Variants in GAS7 observed in about 807,000 individuals in gnomAD.
GAS7 encodes growth arrest specific 7.
Under a neutral mutation model 71.1 loss-of-function variants are expected in GAS7, and 28 were observed. That is an observed-to-expected ratio of 0.39 (90% confidence interval 0.29 to 0.54). GAS7 has a LOEUF of 0.54. GAS7 is among the 20% of genes least tolerant of loss of function. The probability of loss-of-function intolerance (pLI) is 0.62; values close to 1 mark genes in which losing one functional copy is unlikely to be tolerated. For synonymous variants in GAS7, 258 were observed against 245.8 expected, an observed-to-expected ratio of 1.05 and a Z score of -0.46; for missense variants, 436 against 627.8, an observed-to-expected ratio of 0.69 and a Z score of 3.27.
rs371905635 is a variant in GAS7, at chr17:10,020,013, C to T, written c.184-116G>A. 1.1e-3 allele frequency: 1,165 copies of T among 1,024,822 alleles called. 3 individuals are homozygous for T. The highest frequency in any genetic ancestry group is 1.6e-3 in the Non-Finnish European group (1,086 of 687,038). 63.5% of individuals were successfully genotyped at this position (1,024,822 alleles called of 1,614,324 possible). A position where few individuals can be genotyped will look rare whatever the true frequency, so the allele number is the denominator to read the frequency against. ...CAGTAGCGTGACATTGGGAAGTCTGCGGCCCATAAACCCCTGAGGTCAGAG... is the reference window on the plus strand; with the variant it reads ...CAGTAGCGTGACATTGGGAAGTCTGTGGCCCATAAACCCCTGAGGTCAGAG... On this transcript the variant is annotated intron_variant, in intron 1 of 13. Coordinates refer to ENST00000432992, the MANE Select transcript of GAS7 (RefSeq NM_201433.2).
At chr17:10,126,263 C>G (rs1597806703) in intron 1 of GAS7, among the ~76,000 whole-genome samples, 1 of 152,192 alleles carries the variant, frequency 6.6e-6, no homozygotes, top group African/African-American at 2.4e-5. Context: ...GGGAAGAAAC[C>G]CTTAATGAAT....
chr17:9,998,069 C>T (rs1289358320), intron 2 of GAS7, among the ~76,000 whole-genome samples: 3 of 152,118 alleles, frequency 2.0e-5, no homozygotes, highest in Admixed American at 6.6e-5. Context: ...CTTTCCTCTC[C>T]CCAGAGGTTT....
Position 10,111,678 on chromosome 17 carries a change from G to A in GAS7, c.183+86530C>T, listed in dbSNP as rs115277150. Among the ~76,000 whole-genome samples the A allele has an allele frequency of 7.7e-3, 1,175 of 152,230 alleles. 13 individuals are homozygous for A. Among genetic ancestry groups the A allele is most frequent in the African/African-American group, 0.026 (1,066 of 41,532 alleles). On this transcript the variant is annotated intron_variant, in intron 1 of 13. Transcript: ENST00000432992. ...CAGCCTGGAGACAGGGCAAGACTCCGTCTCTAAATAAATAAATAAGTCTTT... is the reference window on the plus strand; with the variant it reads ...CAGCCTGGAGACAGGGCAAGACTCCATCTCTAAATAAATAAATAAGTCTTT...
rs5819261 is a variant in GAS7, at chr17:10,045,040, CAAA to C, written c.184-25146_184-25144del. 7.8e-3 allele frequency among the ~76,000 whole-genome samples: 645 copies of C among 82,184 alleles called. 3 individuals are homozygous for C. The highest frequency in any genetic ancestry group is 0.026 in the African/African-American group (616 of 23,506). 53.9% of individuals were successfully genotyped at this position (82,184 alleles called of 152,430 possible). ...CGGGCGACAGAGCGAGACTCCATCT[CAAA>C]AAAAAAAAAAAAAAAAAGTGTCCAA... On this transcript the variant is annotated intron_variant, in intron 1 of 13. Transcript: ENST00000432992.
chr17:10,100,806 C>T (rs115518897), intron 1 of GAS7, among the ~76,000 whole-genome samples: 3,116 of 152,080 alleles, frequency 0.02, 109 homozygotes, highest in African/African-American at 0.071. Flanking sequence ...TTCATAATTC[C>T]AAAGCGGGAT....
At chr17:10,056,771 G>A (rs1038414995) in intron 1 of GAS7, among the ~76,000 whole-genome samples, 19 of 151,266 alleles carry the variant, frequency 1.3e-4, no homozygotes, top group South Asian at 2.1e-4. Flanking sequence ...CCCTCCCCAC[G>A]ATCTCCCTCT....
intron 1 of GAS7, among the ~76,000 whole-genome samples, chr17:10,125,649 G>A (rs1457928476): frequency 6.6e-6 from 1 of 152,022 alleles, no homozygotes; most frequent in East Asian, 1.9e-4. Flanking sequence ...GGGTGATGGG[G>A]AGATGAGGAG....
At chr17:10,136,848 G>T (rs940417628) in intron 1 of GAS7, among the ~76,000 whole-genome samples, 1 of 152,124 alleles carries the variant, frequency 6.6e-6, no homozygotes, top group Non-Finnish European at 1.5e-5. Context: ...GCCAGGCATC[G>T]TGGCTCACGC....
intron 1 of GAS7, among the ~76,000 whole-genome samples, chr17:10,057,134 C>T (rs1252334900): frequency 6.6e-6 from 1 of 152,212 alleles, no homozygotes; most frequent in Non-Finnish European, 1.5e-5. Flanking sequence ...GGCGTGATCT[C>T]GGCTTGCTAC....
chr17:10,080,648 A>T (rs182756242), intron 1 of GAS7, among the ~76,000 whole-genome samples: 2 of 152,244 alleles, frequency 1.3e-5, no homozygotes, highest in Non-Finnish European at 2.9e-5. Context: ...GTTTCTAGAT[A>T]GGAAGCCCAA....
Position 9,969,781 on chromosome 17 carries a change from G to C in GAS7, c.386-19C>G, listed in dbSNP as rs1316826794. Reference sequence around the variant, plus strand: ...CCATTCACTGCAGGGACAGAGACACGGCTCAGATGCTGTGTGGGCCACAGA... The same window carrying C: ...CCATTCACTGCAGGGACAGAGACACCGCTCAGATGCTGTGTGGGCCACAGA... On this transcript the variant is annotated intron_variant, in intron 3 of 13. Transcript: ENST00000432992. The surrounding 1 kb of genome is among the most constrained non-coding windows in gnomAD (Gnocchi z 5.5). The C allele has an allele frequency of 2.6e-6, 4 of 1,527,846 alleles. No homozygotes were observed. Among genetic ancestry groups the C allele is most frequent in the Non-Finnish European group, 3.6e-6 (4 of 1,101,478 alleles). The allele number at this position is 1,527,846 out of a possible 1,614,324, so 94.6% of individuals were successfully genotyped here.
At chr17:9,995,118 C>T (rs1450840165) in intron 2 of GAS7, among the ~76,000 whole-genome samples, 1 of 152,190 alleles carries the variant, frequency 6.6e-6, no homozygotes, top group Non-Finnish European at 1.5e-5. Context: ...AGGGAGCTAA[C>T]AGGCTGGCTG....
At chr17:9,991,081 GCACT>G (rs1230363638) in intron 2 of GAS7, among the ~76,000 whole-genome samples, 1 of 152,160 alleles carries the variant, frequency 6.6e-6, no homozygotes, top group African/African-American at 2.4e-5. Context: ...CACAGAGTAA[GCACT>G]CACAGACACT....
At chr17:10,125,833 A>G (rs530383202) in intron 1 of GAS7, among the ~76,000 whole-genome samples, 1 of 152,250 alleles carries the variant, frequency 6.6e-6, no homozygotes, top group South Asian at 2.1e-4. Context: ...ATCTTTCAGA[A>G]GCCCCTCCAC....
intron 1 of GAS7, among the ~76,000 whole-genome samples, chr17:10,176,103 G>C (rs1405822994): frequency 1.3e-5 from 2 of 152,242 alleles, no homozygotes; most frequent in African/African-American, 4.8e-5. Context: ...TCGAGCCTTA[G>C]AGGGGCTTAA....
chr17:10,057,522 C>T lies in GAS7; in HGVS notation c.184-37625G>A, dbSNP rs371034928. Among the ~76,000 whole-genome samples the T allele has an allele frequency of 1.1e-3, 163 of 150,800 alleles. 1 individual carries two copies. The East Asian group carries it at 0.023, about 22-fold the overall frequency. On this transcript the variant is annotated intron_variant, in intron 1 of 13. Transcript: ENST00000432992. ...GTGAGGAGCCCCTCCGCCCGGCAGC[C>T]GCCCCATCTGGGAAGTGAGGAGCAT...
At chr17:10,116,510 A>T in intron 1 of GAS7, among the ~76,000 whole-genome samples, 1 of 152,090 alleles carries the variant, frequency 6.6e-6, no homozygotes, top group Non-Finnish European at 1.5e-5. Flanking sequence ...GGCTGCTCAC[A>T]GCCACTGGGT....
chr17:9,938,672 G>A (rs1440835968), intron 8 of GAS7, among the ~76,000 whole-genome samples: 1 of 151,668 alleles, frequency 6.6e-6, no homozygotes, highest in Non-Finnish European at 1.5e-5. Flanking sequence ...GAAAATAAAT[G>A]TCTGTAGTTT....
At chr17:10,164,558 G>A (rs770870735) in intron 1 of GAS7, among the ~76,000 whole-genome samples, 4 of 151,984 alleles carry the variant, frequency 2.6e-5, no homozygotes, top group Non-Finnish European at 5.9e-5. Flanking sequence ...AGCTACTAGG[G>A]AGGCTGAGCA....
Sources: allele counts gnomAD v4.1 joint callset (sites outside exome capture counted in the v4.1 genomes callset), GRCh38; gene constraint gnomAD v4.1.1; non-coding constraint Gnocchi (gnomAD v3.1); transcripts MANE v1.5; gene names NCBI Gene and HGNC (gene_info 2026-07-23, HGNC 2026-07-21).